Variants in CYLD observed in about 807,000 individuals in gnomAD.
CYLD encodes CYLD lysine 63 deubiquitinase.
In CYLD, 26 loss-of-function variants were observed where a neutral mutation model predicts 104.5. The observed-to-expected ratio is 0.25, with a 90% CI of 0.18 to 0.35. CYLD has a LOEUF of 0.35. CYLD is among the 10% of genes least tolerant of loss of function. The pLI, the probability that CYLD is intolerant of heterozygous loss-of-function variation, is 1.00. For synonymous variants in CYLD, 385 were observed against 399.9 expected (o/e 0.96, Z 0.45); for missense variants, 703 against 1,136.1 (o/e 0.62, Z 5.48).
chr16:50,747,295 C>T (rs202136093), intron 2 of CYLD, among the ~76,000 whole-genome samples: 4 of 152,016 alleles, frequency 2.6e-5, no homozygotes, highest in Non-Finnish European at 5.9e-5. Context: ...TGATTCGAAG[C>T]GATAAGTTGG....
chr16:50,764,544 ATCT>A (rs1473967964), intron 5 of CYLD, among the ~76,000 whole-genome samples: 1 of 152,170 alleles, frequency 6.6e-6, no homozygotes, highest in African/African-American at 2.4e-5. Flanking sequence ...TTCTTCACCA[ATCT>A]TACCAGTGGT....
chr16:50,742,885 G>A, intron 2 of CYLD, 44 bp downstream of exon 2: 3 of 397,542 alleles, frequency 7.5e-6, no homozygotes, highest in Non-Finnish European at 1.3e-5. Flanking sequence ...CAATCGAGGG[G>A]GGTGGGGGGC....
chr16:50,791,497 C>G (rs921476351), intron 14 of CYLD, 61 bp from the exon 15 acceptor site: 1 of 1,585,258 alleles, frequency 6.3e-7, no homozygotes, highest in Admixed American at 1.7e-5. Context: ...GACAACTTAA[C>G]ATTTTGATTT....
chr16:50,746,386 C>G (rs996337145), intron 2 of CYLD, among the ~76,000 whole-genome samples: 3 of 152,276 alleles, frequency 2.0e-5, no homozygotes, highest in Admixed American at 6.5e-5. Flanking sequence ...TCTCTAGACT[C>G]GAGCCGTAAA....
Position 50,750,019 on chromosome 16 carries a change from G to C in CYLD, c.321G>C (p.Glu107Asp), listed in dbSNP as rs773336310. The change falls in exon 3 of 19, where the codon GAG becomes GAC. Residue 107 changes from glutamate to aspartate, a missense_variant. Physicochemically the swap from Glu to Asp is conservative, Grantham distance 45. Transcript: ENST00000427738. ...TELLLAITNC[E>D]ERFSLFKNRN... ...TACTTTTGGCAATTACCAATTGTGA[G>C]GAGAGGTTCAGCCTGTTTAAAAACA... is the stretch of plus-strand genomic sequence containing the variant. 3 of 1,614,132 alleles carry C rather than the reference G, an allele frequency of 1.9e-6. No homozygotes were observed. The highest frequency in any genetic ancestry group is 2.5e-6 in the Non-Finnish European group (3 of 1,180,012).
Position 50,749,771 on chromosome 16 carries a change from C to A in CYLD, c.73C>A (p.Leu25Ile), listed in dbSNP as rs1315001448. Residue 25 changes from leucine (L) to isoleucine (I), a missense_variant, in exon 3 of 19, where the codon CTT becomes ATT. Coordinates refer to ENST00000427738, the MANE Select transcript of CYLD (RefSeq NM_001378743.1). ...YWEERIFYLL[L>I]QECSVTDKQT... ...GGAAGAGCGGATTTTTTACTTGCTTCTTCAAGAATGCAGCGTTACAGACAA... is the reference window on the plus strand; with the variant it reads ...GGAAGAGCGGATTTTTTACTTGCTTATTCAAGAATGCAGCGTTACAGACAA... The A allele has an allele frequency of 6.2e-7, 1 of 1,613,684 alleles. No homozygotes were observed. The highest frequency in any genetic ancestry group is 8.5e-7 in the Non-Finnish European group (1 of 1,179,954).
At chr16:50,787,613 A>G in intron 13 of CYLD, 173 bp from the exon 14 acceptor site, 1 of 546,900 alleles carries the variant, frequency 1.8e-6, no homozygotes, top group South Asian at 2.1e-5. Flanking sequence ...AACTTATTAA[A>G]TGTCTTTTAT....
At chr16:50,763,729 T>A (rs982256193) in intron 5 of CYLD, among the ~76,000 whole-genome samples, 1 of 152,220 alleles carries the variant, frequency 6.6e-6, no homozygotes, top group Admixed American at 6.5e-5. Flanking sequence ...CTTTTATTTT[T>A]AAAAATGGTT....
At chr16:50,761,425 A>G (rs949897591) in intron 5 of CYLD, among the ~76,000 whole-genome samples, 7 of 152,166 alleles carry the variant, frequency 4.6e-5, no homozygotes, top group African/African-American at 1.4e-4. Context: ...TAGAAACTCT[A>G]TACTCATGAA....
chr16:50,792,681 A>G lies in CYLD; in HGVS notation c.2326A>G (p.Asn776Asp). Reference protein sequence around the residue: ...FKKIFPSLELNITDLLEDTPR... With the variant: ...FKKIFPSLELDITDLLEDTPR... ...AAAAATTTTTCCTTCTCTGGAATTA[A>G]ATATAACAGATTTACTTGAAGACAG... The change falls in exon 16 of 19, where the codon AAT becomes GAT. Residue 776 changes from asparagine to aspartate, a missense_variant. Transcript: ENST00000427738. The G allele has an allele frequency of 6.6e-7, 1 of 1,523,110 alleles. No individual in the cohort carries two copies. The highest frequency in any genetic ancestry group is 9.1e-7 in the Non-Finnish European group (1 of 1,102,284). 94.3% of individuals were successfully genotyped at this position (1,523,110 alleles called of 1,614,324 possible). A position where few individuals can be genotyped will look rare whatever the true frequency, so the allele number is the denominator to read the frequency against.
At chr16:50,771,006 G>C (rs999432273) in intron 5 of CYLD, among the ~76,000 whole-genome samples, 1 of 152,138 alleles carries the variant, frequency 6.6e-6, no homozygotes, top group Non-Finnish European at 1.5e-5. Flanking sequence ...TGTGGGTCAA[G>C]CTTTTGTGTC....
At chr16:50,775,480 GTGTT>G (rs1395103437) in intron 6 of CYLD, among the ~76,000 whole-genome samples, 3 of 152,016 alleles carry the variant, frequency 2.0e-5, no homozygotes, top group Admixed American at 6.6e-5. Flanking sequence ...ATATGTATAA[GTGTT>G]TGTATACACA....
chr16:50,791,563 C>T lies in CYLD; in HGVS notation c.2114C>T (p.Ala705Val), dbSNP rs2151029485. Residue 705 changes from alanine (A) to valine (V), a missense_variant, in exon 15 of 19, where the codon GCA becomes GTA. Ala to Val is a moderately conservative substitution (Grantham distance 64, BLOSUM62 0). Around this residue, in one of 5 missense-constraint regions of CYLD, gnomAD observed 125 missense variants for 325.4 expected, o/e 0.38. Coordinates refer to ENST00000427738, the MANE Select transcript of CYLD (RefSeq NM_001378743.1). ...TTTTCTCTGCGTGTTTTTAGATCAG[C>T]AGGTCAAAAGGTACAAGATTGTTAC... The part of the protein sequence containing the change: ...RVEPLLKIRS[A>V]GQKVQDCYFY... 1 of 1,613,722 alleles carries T rather than the reference C, an allele frequency of 6.2e-7. No individual in the cohort carries two copies. Among genetic ancestry groups the T allele is most frequent in the Non-Finnish European group, 8.5e-7 (1 of 1,179,786 alleles).
intron 5 of CYLD, among the ~76,000 whole-genome samples, chr16:50,761,691 A>G (rs1967941013): frequency 6.6e-6 from 1 of 152,150 alleles, no homozygotes; most frequent in South Asian, 2.1e-4. Flanking sequence ...GTAAGGTTAT[A>G]AAGGAATTTC....
At chr16:50,795,462 A>G in intron 18 of CYLD, 5 of 692,024 alleles carry the variant, frequency 7.2e-6, no homozygotes, top group Non-Finnish European at 1.3e-5. Flanking sequence ...ACCTATAAGG[A>G]GTTTGCAGGT....
Position 50,793,555 on chromosome 16 carries a change from A to G in CYLD, c.2360A>G (p.Gln787Arg). 1 of 1,610,570 alleles carries G rather than the reference A, an allele frequency of 6.2e-7. No homozygotes were observed. The highest frequency in any genetic ancestry group is 2.2e-5 in the East Asian group (1 of 44,844). Residue 787 changes from glutamine (Q) to arginine (R), a missense_variant, in exon 17 of 19, where the codon CAG becomes CGG. Coordinates refer to ENST00000427738, the MANE Select transcript of CYLD (RefSeq NM_001378743.1). Reference sequence around the variant, plus strand: ...CCTTCTCACATTTCAGCTCCCAGACAGTGCCGGATATGTGGAGGGCTTGCA... The same window carrying G: ...CCTTCTCACATTTCAGCTCCCAGACGGTGCCGGATATGTGGAGGGCTTGCA... ...ITDLLEDTPR[Q>R]CRICGGLAMY...
Position 50,779,882 on chromosome 16 carries a change from A to G in CYLD, c.1356A>G (p.Ala452=), listed in dbSNP as rs200886685. The part of the protein sequence containing the change: ...AQSVMEELNT[A]PVQESPPLAM... ...CTGTAATGGAAGAGCTAAACACTGC[A>G]CCCGTCCAAGAGAGTCCACCCTTGG... is the stretch of plus-strand genomic sequence containing the variant. Residue 452 remains alanine (A), a synonymous_variant, in exon 9 of 19, where the codon GCA becomes GCG. Transcript: ENST00000427738. The G allele has an allele frequency of 1.8e-4, 287 of 1,614,064 alleles. 2 individuals carry two copies. In the African/African-American group the frequency reaches 3.3e-3, roughly 19 times the overall value.
At chr16:50,772,750 C>T (rs777088485) in intron 5 of CYLD, among the ~76,000 whole-genome samples, 3 of 143,874 alleles carry the variant, frequency 2.1e-5, no homozygotes, top group Admixed American at 2.0e-4. Context: ...TTTTGATAGA[C>T]AGTAATACAT....
At chr16:50,791,487 G>A (rs964702008) in intron 14 of CYLD, 71 bp from the exon 15 acceptor site, 22 of 1,550,176 alleles carry the variant, frequency 1.4e-5, no homozygotes, top group African/African-American at 1.1e-4. Context: ...ATACTGCTGG[G>A]ACAACTTAAC....
Sources: allele counts gnomAD v4.1 joint callset (sites outside exome capture counted in the v4.1 genomes callset), GRCh38; gene constraint gnomAD v4.1.1; regional missense constraint gnomAD v4.1.1; transcripts MANE v1.5; gene names NCBI Gene and HGNC (gene_info 2026-07-23, HGNC 2026-07-21).